Variants in ELP3 observed in about 807,000 individuals in gnomAD.
ELP3 encodes the protein elongator complex protein 3.
ELP3 carries 56 observed loss-of-function variants against 74.9 expected under a neutral mutation model. That is an observed-to-expected ratio of 0.75 (90% CI 0.60 to 0.93). The LOEUF is 0.93. Among genes scored for constraint, ELP3 ranks in the 40% least tolerant of loss-of-function variants. The probability of loss-of-function intolerance (pLI) is 0.00; values close to 1 mark genes in which losing one functional copy is unlikely to be tolerated. For missense variants in ELP3, 573 were observed against 686.5 expected, an observed-to-expected ratio of 0.83 and a Z score of 1.85; for synonymous variants, 222 against 239.8, an observed-to-expected ratio of 0.93 and a Z score of 0.68.
intron 6 of ELP3, chr8:28,110,655 T>G (rs1031678424): frequency 2.3e-6 from 1 of 432,630 alleles, no homozygotes; most frequent in Non-Finnish European, 4.1e-6. Context: ...GTTTAAGGGT[T>G]TTATATTCTC....
intron 7 of ELP3, among the ~76,000 whole-genome samples, chr8:28,114,965 T>G (rs990200145): frequency 6.6e-6 from 1 of 151,988 alleles, no homozygotes; most frequent in Non-Finnish European, 1.5e-5. Flanking sequence ...CCTGCTCAGA[T>G]GGGGGCGGCA....
chr8:28,106,058 C>T (rs1378840081), intron 3 of ELP3, among the ~76,000 whole-genome samples: 1 of 152,172 alleles, frequency 6.6e-6, no homozygotes, highest in East Asian at 1.9e-4. Flanking sequence ...TTTTTTCTTA[C>T]AGGCTGTTTA....
In ELP3 at chr8:28,119,673, G is replaced by A. The variant is rs1046726488; in HGVS notation, c.617+6500G>A. Among the ~76,000 whole-genome samples the A allele has an allele frequency of 3.7e-5, 5 of 135,568 alleles. No homozygotes were observed. The East Asian group carries it at 1.1e-3, about 29-fold the overall frequency. The allele number at this position is 135,568 out of a possible 152,430, so 88.9% of individuals were successfully genotyped here. ...TACCATTTGATTATTTTTGACAAATGCATATACCTGTGCTACAAAGTCCTA... is the reference window on the plus strand; with the variant it reads ...TACCATTTGATTATTTTTGACAAATACATATACCTGTGCTACAAAGTCCTA... On this transcript the variant is annotated intron_variant, in intron 7 of 14. Coordinates refer to ENST00000256398, the MANE Select transcript of ELP3 (RefSeq NM_018091.6).
intron 14 of ELP3, among the ~76,000 whole-genome samples, chr8:28,163,635 T>C (rs1345430092): frequency 6.6e-6 from 1 of 152,146 alleles, no homozygotes; most frequent in African/African-American, 2.4e-5. Context: ...TACTGTTACC[T>C]GTAATTAAAA....
At chr8:28,172,508 T>C (rs1295508752) in intron 14 of ELP3, among the ~76,000 whole-genome samples, 1 of 152,150 alleles carries the variant, frequency 6.6e-6, no homozygotes, top group African/African-American at 2.4e-5. Context: ...TATGCAACTT[T>C]GCTAGATTTG....
intron 14 of ELP3, among the ~76,000 whole-genome samples, chr8:28,188,681 T>G (rs927197092): frequency 6.6e-6 from 1 of 152,172 alleles, no homozygotes; most frequent in African/African-American, 2.4e-5. Context: ...GTGTGCCTTT[T>G]CACCTGGCTG....
At chr8:28,167,215 T>C (rs1293521788) in intron 14 of ELP3, among the ~76,000 whole-genome samples, 4 of 152,220 alleles carry the variant, frequency 2.6e-5, no homozygotes, top group Non-Finnish European at 5.9e-5. Context: ...GTCTTAGTTA[T>C]ATGACCCTAA....
intron 7 of ELP3, among the ~76,000 whole-genome samples, chr8:28,119,507 T>C (rs1254664134): frequency 1.3e-5 from 2 of 148,440 alleles, no homozygotes; most frequent in African/African-American, 5.0e-5. Context: ...TGACTAGTGT[T>C]CACTGTCTGC....
Position 28,190,758 on chromosome 8 carries a change from C to T in ELP3, c.*1033C>T, listed in dbSNP as rs2129643035. The T allele has an allele frequency of 6.6e-6, 1 of 152,212 alleles. No homozygotes were observed. The highest frequency in any genetic ancestry group is 1.9e-4 in the East Asian group (1 of 5,178). 9.4% of individuals were successfully genotyped at this position (152,212 alleles called of 1,614,324 possible). A position where few individuals can be genotyped will look rare whatever the true frequency, so the allele number is the denominator to read the frequency against. ...TTTTTAGTAGAGATGGGGGTTTCAC[C>T]ATATTGGTCAGGCTGGTCTCGAACT... On this transcript the variant is annotated 3_prime_UTR_variant, in exon 15 of 15. Coordinates refer to ENST00000256398, the MANE Select transcript of ELP3 (RefSeq NM_018091.6).
At chr8:28,104,910 A>T (rs190347142) in intron 3 of ELP3, among the ~76,000 whole-genome samples, 23 of 152,260 alleles carry the variant, frequency 1.5e-4, no homozygotes, top group African/African-American at 5.5e-4. Context: ...TCACTCCTTT[A>T]TTTGTGTGAA....
At chr8:28,094,337 A>G (rs1024415162) in intron 1 of ELP3, among the ~76,000 whole-genome samples, 1 of 152,210 alleles carries the variant, frequency 6.6e-6, no homozygotes, top group Admixed American at 6.5e-5. Flanking sequence ...CAGCTTTCAT[A>G]TACATTATTT....
chr8:28,110,758 G>A (rs1811886278), intron 6 of ELP3: 1 of 243,180 alleles, frequency 4.1e-6, no homozygotes, highest in South Asian at 6.2e-5. Context: ...TGGGTGTGTT[G>A]ACTTTTAATT....
At chr8:28,133,608 G>A (rs1466212192) in intron 9 of ELP3, among the ~76,000 whole-genome samples, 2 of 151,902 alleles carry the variant, frequency 1.3e-5, no homozygotes, top group Non-Finnish European at 2.9e-5. Flanking sequence ...TTCTCCGATA[G>A]GGCAAGTGTG....
chr8:28,113,921 T>A (rs1812021100), intron 7 of ELP3: 2 of 152,194 alleles, frequency 1.3e-5, no homozygotes, highest in Non-Finnish European at 2.9e-5. Flanking sequence ...TCAAATCATG[T>A]GTTATTCAAA....
intron 10 of ELP3, among the ~76,000 whole-genome samples, chr8:28,151,281 A>G: frequency 7.4e-6 from 1 of 135,726 alleles, no homozygotes; most frequent in East Asian, 2.4e-4. Context: ...GATCTCTAGC[A>G]TTTCTTTTTA....
intron 14 of ELP3, among the ~76,000 whole-genome samples, chr8:28,183,575 C>A (rs1027364510): frequency 1.3e-5 from 2 of 152,176 alleles, no homozygotes; most frequent in African/African-American, 4.8e-5. Context: ...AGGCACTCAC[C>A]ACCACACCCA....
At chr8:28,138,567 T>A (rs912329783) in intron 10 of ELP3, among the ~76,000 whole-genome samples, 1 of 152,090 alleles carries the variant, frequency 6.6e-6, no homozygotes, top group Non-Finnish European at 1.5e-5. Flanking sequence ...CCCACCACCC[T>A]GCCAAAAACT....
intron 14 of ELP3, among the ~76,000 whole-genome samples, chr8:28,188,925 G>A (rs968534727): frequency 6.6e-6 from 1 of 152,080 alleles, no homozygotes; most frequent in Non-Finnish European, 1.5e-5. Flanking sequence ...GGGGGGCCTT[G>A]CGCTCATCAG....
chr8:28,153,974 TTTC>T (rs1813734847), intron 10 of ELP3, among the ~76,000 whole-genome samples: 1 of 152,206 alleles, frequency 6.6e-6, no homozygotes, highest in South Asian at 2.1e-4. Context: ...CTTCATTCAT[TTTC>T]TTCTTAATTA....
Sources: allele counts gnomAD v4.1 joint callset (sites outside exome capture counted in the v4.1 genomes callset), GRCh38; gene constraint gnomAD v4.1.1; transcripts MANE v1.5; gene names NCBI Gene and HGNC (gene_info 2026-07-23, HGNC 2026-07-21).